The following THSD7B variants were observed in gnomAD, a reference collection of about 807,000 sequenced individuals.
THSD7B encodes the protein thrombospondin type-1 domain-containing protein 7B.
Under a neutral mutation model 213.6 loss-of-function variants are expected in THSD7B, and 138 were observed. The ratio of observed to expected loss-of-function variants is 0.65; its 90% CI spans 0.56 to 0.74. The LOEUF (loss-of-function observed/expected upper bound fraction) is 0.74. Among genes scored for constraint, THSD7B ranks in the 30% least tolerant of loss-of-function variants. The pLI is 0.00. For synonymous variants in THSD7B, 742 were observed against 687.0 expected (o/e 1.08, Z -1.25); for missense variants, 1,931 against 1,991.5 (o/e 0.97, Z 0.58).
At chr2:136,842,686 G>C (rs767817685) in intron 1 of THSD7B, among the ~76,000 whole-genome samples, 1 of 152,174 alleles carries the variant, frequency 6.6e-6, no homozygotes, top group Non-Finnish European at 1.5e-5. Flanking sequence ...CACTAAGGGA[G>C]CAATAATTTC....
At chr2:137,384,676 A>G (rs1685853344) in intron 12 of THSD7B, among the ~76,000 whole-genome samples, 1 of 152,148 alleles carries the variant, frequency 6.6e-6, no homozygotes, top group Admixed American at 6.5e-5. Flanking sequence ...GGGCCCTGTC[A>G]TCTTACAGTC....
intron 2 of THSD7B, among the ~76,000 whole-genome samples, chr2:136,993,905 A>G (rs1021355524): frequency 1.3e-5 from 2 of 152,246 alleles, no homozygotes; most frequent in Non-Finnish European, 2.9e-5. Context: ...CATGATGAAC[A>G]TAAATATATA....
At chr2:137,617,317 G>A in intron 18 of THSD7B, among the ~76,000 whole-genome samples, 1 of 152,108 alleles carries the variant, frequency 6.6e-6, no homozygotes, top group East Asian at 1.9e-4. Flanking sequence ...TACCAATATG[G>A]AAAATTTCTT....
intron 2 of THSD7B, among the ~76,000 whole-genome samples, chr2:136,899,040 A>T (rs1684015866): frequency 6.6e-6 from 1 of 152,174 alleles, no homozygotes; most frequent in Admixed American, 6.5e-5. Context: ...AAAAAGGAAA[A>T]TAATATAGCA....
rs557705248 is a variant in THSD7B at position 137,467,028 on chromosome 2, T to C, written c.3138+16005T>C. On this transcript the variant is annotated intron_variant, in intron 15 of 27. Transcript: ENST00000409968. ...AGTACAATAAAATTCTCCCAATGCC[T>C]CCCCAGCTCCCCCAGAAGCCTTTCC... Among the ~76,000 whole-genome samples the C allele has an allele frequency of 6.6e-4, 101 of 152,118 alleles. 1 individual carries two copies. Among genetic ancestry groups the C allele is most frequent in the African/African-American group, 2.4e-3 (98 of 41,508 alleles).
At position 137,109,762 on chromosome 2, in the gene THSD7B, C is replaced by T. The variant is rs12464292; in HGVS notation, c.1200-5362C>T. ...ATACAGATGAAGCTTCACTTGCTCACCTGCTGCTCACCTCCTGCTGTGAGA... is the reference window on the plus strand; with the variant it reads ...ATACAGATGAAGCTTCACTTGCTCATCTGCTGCTCACCTCCTGCTGTGAGA... On this transcript the variant is annotated intron_variant, in intron 4 of 27. Transcript: ENST00000409968. Among the ~76,000 whole-genome samples, 8 of 57,362 alleles carry T rather than the reference C, an allele frequency of 1.4e-4. No individual in the cohort carries two copies. The East Asian group carries it at 1.5e-3, about 11-fold the overall frequency. The allele number at this position is 57,362 out of a possible 152,430, so 37.6% of individuals were successfully genotyped here.
chr2:137,028,830 T>C (rs1225354075), intron 2 of THSD7B, among the ~76,000 whole-genome samples: 3 of 152,208 alleles, frequency 2.0e-5, no homozygotes, highest in Non-Finnish European at 4.4e-5. Context: ...GATTCTTTGA[T>C]TCTTTCTGAT....
Position 137,451,832 on chromosome 2 carries a change from A to G in THSD7B, c.3138+809A>G, listed in dbSNP as rs373151893. On this transcript the variant is annotated intron_variant, in intron 15 of 27. Coordinates refer to ENST00000409968, the MANE Select transcript of THSD7B (RefSeq NM_001316349.2). ...ATGATTTTGATTAAAAGTTTTTTTT[A>G]TTTTTAGACAGGTGAAGTGTGTCTC... Among the ~76,000 whole-genome samples, 42 of 152,080 alleles carry G rather than the reference A, an allele frequency of 2.8e-4. No homozygotes were observed. In the East Asian group the frequency reaches 7.2e-3, roughly 26 times the overall value.
Position 137,566,842 on chromosome 2 carries a change from A to G in THSD7B, c.3272+3488A>G, listed in dbSNP as rs1460237531. Among the ~76,000 whole-genome samples, 3 of 152,340 alleles carry G rather than the reference A, an allele frequency of 2.0e-5. No homozygotes were observed. The East Asian group carries it at 5.8e-4, about 29-fold the overall frequency. On this transcript the variant is annotated intron_variant, in intron 16 of 27. Coordinates refer to ENST00000409968, the MANE Select transcript of THSD7B (RefSeq NM_001316349.2). ...TGTCTTTGCTATGAAATGCCAAAAA[A>G]GAAAAACGAAACTGGGTTGGAGTTA... is the stretch of plus-strand genomic sequence containing the variant.
chr2:136,946,459 G>A (rs561676359), intron 2 of THSD7B, among the ~76,000 whole-genome samples: 3 of 152,204 alleles, frequency 2.0e-5, no homozygotes, highest in African/African-American at 7.2e-5. Flanking sequence ...TTGAGGAGGC[G>A]GTCTCTCCAT....
At chr2:136,804,797 T>C (rs1203049222) in intron 1 of THSD7B, among the ~76,000 whole-genome samples, 4 of 152,190 alleles carry the variant, frequency 2.6e-5, no homozygotes, top group African/African-American at 9.7e-5. Context: ...TGCTTAATTA[T>C]TAAGGATGAG....
chr2:137,577,194 T>C (rs1681482463), intron 17 of THSD7B, among the ~76,000 whole-genome samples: 1 of 152,132 alleles, frequency 6.6e-6, no homozygotes, highest in Admixed American at 6.6e-5. Context: ...AGTAATTCAT[T>C]ACTCAGGGGC....
At chr2:136,969,644 G>A (rs956366229) in intron 2 of THSD7B, among the ~76,000 whole-genome samples, 1 of 152,190 alleles carries the variant, frequency 6.6e-6, no homozygotes, top group African/African-American at 2.4e-5. Context: ...TAAAAGGCAT[G>A]AATGGAGACT....
At chr2:137,453,708 C>T (rs991686896) in intron 15 of THSD7B, among the ~76,000 whole-genome samples, 1 of 152,098 alleles carries the variant, frequency 6.6e-6, no homozygotes, top group African/African-American at 2.4e-5. Context: ...CAATATATCT[C>T]AATTGAAAAT....
At chr2:137,015,507 C>G (rs915653703) in intron 2 of THSD7B, among the ~76,000 whole-genome samples, 1 of 152,090 alleles carries the variant, frequency 6.6e-6, no homozygotes, top group Non-Finnish European at 1.5e-5. Flanking sequence ...AATTGAGCAT[C>G]GTGGGTGTGG....
At chr2:137,447,074 A>G (rs1239711776) in intron 14 of THSD7B, among the ~76,000 whole-genome samples, 1 of 152,108 alleles carries the variant, frequency 6.6e-6, no homozygotes, top group Non-Finnish European at 1.5e-5. Flanking sequence ...CTCTGGCATG[A>G]AAATAATTTT....
rs555805014 is a variant in THSD7B at position 137,366,783 on chromosome 2, T to C, written c.2501-38830T>C. 3.9e-5 allele frequency among the ~76,000 whole-genome samples: 6 copies of C among 152,254 alleles called. No homozygotes were observed. In the East Asian group the frequency reaches 9.6e-4, roughly 24 times the overall value. ...TAATTAAAGTAAAATATAGACATTT[T>C]AGTAGATTCACTCTTGTAATATAGT... On this transcript the variant is annotated intron_variant, in intron 12 of 27. Coordinates refer to ENST00000409968, the MANE Select transcript of THSD7B (RefSeq NM_001316349.2).
intron 2 of THSD7B, among the ~76,000 whole-genome samples, chr2:137,041,490 T>C (rs1686880748): frequency 6.6e-6 from 1 of 151,516 alleles, no homozygotes; most frequent in Non-Finnish European, 1.5e-5. Context: ...ATACATGCAT[T>C]TATATTATAT....
At chr2:137,282,191 A>T (rs1232794827) in intron 12 of THSD7B, among the ~76,000 whole-genome samples, 1 of 152,136 alleles carries the variant, frequency 6.6e-6, no homozygotes, top group Admixed American at 6.5e-5. Flanking sequence ...TTTTGGCTGC[A>T]TAAATGTCTT....
Sources: allele counts gnomAD v4.1 joint callset (sites outside exome capture counted in the v4.1 genomes callset), GRCh38; gene constraint gnomAD v4.1.1; transcripts MANE v1.5; gene names NCBI Gene and HGNC (gene_info 2026-07-23, HGNC 2026-07-21).